The following PHTF2 variants were observed in gnomAD, a reference collection of about 807,000 sequenced individuals.
PHTF2 encodes protein PHTF2.
PHTF2 carries 60 observed loss-of-function variants against 101.2 expected under a neutral mutation model. The observed-to-expected ratio is 0.59, with a 90% CI of 0.48 to 0.73. The LOEUF (loss-of-function observed/expected upper bound fraction) is 0.73. Ranked by LOEUF, PHTF2 falls within the 30% of genes least tolerant of loss-of-function variation. The probability of loss-of-function intolerance (pLI) is 0.00; values close to 1 mark genes in which losing one functional copy is unlikely to be tolerated. For missense variants in PHTF2, 747 were observed against 908.7 expected (o/e 0.82, Z 2.29); for synonymous variants, 311 against 307.3 (o/e 1.01, Z -0.13).
chr7:77,871,175 G>A lies in PHTF2; in HGVS notation c.147+16341G>A, dbSNP rs188149535. Among the ~76,000 whole-genome samples the A allele has an allele frequency of 3.4e-3, 523 of 152,170 alleles. 3 individuals are homozygous for A. The highest frequency in any genetic ancestry group is 4.3e-3 in the Non-Finnish European group (295 of 68,006). ...AAACCTTCATTCCTGAATGGTCTCG[G>A]GGTCATTTGTAGTCCTGCCTGAATT... On this transcript the variant is annotated intron_variant, in intron 3 of 19. Coordinates refer to ENST00000416283, the Ensembl canonical transcript of PHTF2.
At chr7:77,863,787 G>GT (rs368245678) in intron 3 of PHTF2, among the ~76,000 whole-genome samples, 53,363 of 131,982 alleles carry the variant, frequency 0.4, 10,685 homozygotes, top group African/African-American at 0.42. Context: ...GTTTTGTTTT[G>GT]TTTTTTTTTT....
At chr7:77,846,935 G>A (rs73375808) in intron 2 of PHTF2, among the ~76,000 whole-genome samples, 14,186 of 152,076 alleles carry the variant, frequency 0.093, 912 homozygotes, top group South Asian at 0.18. Context: ...GAGCCTGCAA[G>A]CCTGAAGCTT....
chr7:77,920,838 T>C (rs573918688), intron 10 of PHTF2, among the ~76,000 whole-genome samples: 44 of 152,154 alleles, frequency 2.9e-4, no homozygotes, highest in African/African-American at 9.6e-4. Context: ...TGCGCCACCA[T>C]GCCCGGCTAA....
rs386410516 is a variant in PHTF2, at chr7:77,927,177, A to AATAT, written c.1120-1916_1120-1913dup. On this transcript the variant is annotated intron_variant, in intron 11 of 19. Coordinates refer to ENST00000416283, the Ensembl canonical transcript of PHTF2. ...CATCTCAAAAAAAAAAAAAAAAAAA[A>AATAT]ATATATATATATATATATACATACA... is the stretch of plus-strand genomic sequence containing the variant. Among the ~76,000 whole-genome samples the AATAT allele has an allele frequency of 1.5e-3, 114 of 78,126 alleles. 1 individual carries two copies. Among genetic ancestry groups the AATAT allele is most frequent in the Middle Eastern group, 8.8e-3 (1 of 114 alleles). The allele number at this position is 78,126 out of a possible 152,430, so 51.3% of individuals were successfully genotyped here. A position where few individuals can be genotyped will look rare whatever the true frequency, so the allele number is the denominator to read the frequency against.
rs781764797 is a variant in PHTF2, at chr7:77,937,672, G to A, written c.1339-38G>A. 176 of 797,604 alleles carry A rather than the reference G, an allele frequency of 2.2e-4. 1 individual carries two copies. Among genetic ancestry groups the A allele is most frequent in the Non-Finnish European group, 1.8e-6 (1 of 554,808 alleles). The allele number at this position is 797,604 out of a possible 1,614,324, so 49.4% of individuals were successfully genotyped here. Reference sequence around the variant, plus strand: ...TATACACACATTTTATTTATTAAATGTGATCTATATATTTACTAATTTTTT... The same window carrying A: ...TATACACACATTTTATTTATTAAATATGATCTATATATTTACTAATTTTTT... On this transcript the variant is annotated intron_variant, in intron 12 of 19. Transcript: ENST00000416283.
chr7:77,813,331 A>G (rs1241084085), intron 1 of PHTF2, among the ~76,000 whole-genome samples: 1 of 152,248 alleles, frequency 6.6e-6, no homozygotes, highest in Non-Finnish European at 1.5e-5. Flanking sequence ...AAAGTGTTCC[A>G]GGAGAAGAGA....
At chr7:77,885,622 C>A (rs979033707) in intron 3 of PHTF2, among the ~76,000 whole-genome samples, 3 of 151,854 alleles carry the variant, frequency 2.0e-5, no homozygotes, top group Admixed American at 1.3e-4. Context: ...TTTTTGTATT[C>A]TTAGTAGAGA....
rs570053618 is a variant in PHTF2 at position 77,818,588 on chromosome 7, G to T, written c.-36+19617G>T. Among the ~76,000 whole-genome samples the T allele has an allele frequency of 2.0e-5, 3 of 152,194 alleles. No individual in the cohort carries two copies. In the East Asian group the frequency reaches 5.8e-4, roughly 29 times the overall value. On this transcript the variant is annotated intron_variant, in intron 1 of 19. Transcript: ENST00000416283. ...AGATACATGGATTGATTAATTTCTG[G>T]GTTCTCTATTCTGTTCCACTGATCT...
chr7:77,839,533 AT>A (rs1795712567), intron 1 of PHTF2, among the ~76,000 whole-genome samples: 2 of 152,174 alleles, frequency 1.3e-5, no homozygotes, highest in South Asian at 2.1e-4. Flanking sequence ...CAGTAGCTTA[AT>A]TTTTTTCAAT....
At chr7:77,886,746 G>A (rs925137513) in intron 3 of PHTF2, among the ~76,000 whole-genome samples, 1 of 152,146 alleles carries the variant, frequency 6.6e-6, no homozygotes, top group Non-Finnish European at 1.5e-5. Context: ...AGGGGCAGGG[G>A]AGGAAGTGAT....
intron 3 of PHTF2, among the ~76,000 whole-genome samples, chr7:77,868,517 C>G (rs1251017487): frequency 6.6e-6 from 1 of 151,824 alleles, no homozygotes; most frequent in African/African-American, 2.4e-5. Context: ...AAAGTGAAAG[C>G]TATTCTTCAT....
intron 11 of PHTF2, chr7:77,923,667 G>A (rs1341702554): frequency 1.0e-6 from 1 of 985,152 alleles, no homozygotes; most frequent in Non-Finnish European, 1.2e-6. Flanking sequence ...GTCATTTGAT[G>A]TAGTGTTTCT....
At chr7:77,908,858 G>A in exon 8 of PHTF2, 1 of 1,611,962 alleles carries the variant, frequency 6.2e-7, no homozygotes, top group Non-Finnish European at 8.5e-7. Context: ...AGAGGTGATT[G>A]GGCCGATATG....
At position 77,891,894 on chromosome 7, in the gene PHTF2, T is replaced by A. The variant is rs562700890; in HGVS notation, c.148-1714T>A. Among the ~76,000 whole-genome samples the A allele has an allele frequency of 9.3e-4, 141 of 152,236 alleles. 1 individual carries two copies. Among genetic ancestry groups the A allele is most frequent in the African/African-American group, 3.3e-3 (137 of 41,532 alleles). ...AGCCACTCTGCACTCAGCCATAATA[T>A]GATTTTTAAAATAAAAGAGTCACAG... On this transcript the variant is annotated intron_variant, in intron 3 of 19. Coordinates refer to ENST00000416283, the Ensembl canonical transcript of PHTF2.
intron 5 of PHTF2, among the ~76,000 whole-genome samples, chr7:77,900,314 C>T (rs979845171): frequency 1.3e-5 from 2 of 152,178 alleles, no homozygotes; most frequent in African/African-American, 4.8e-5. Context: ...GAAATAATGC[C>T]TCCAGCACCA....
At chr7:77,893,308 A>G (rs921561471) in intron 3 of PHTF2, among the ~76,000 whole-genome samples, 2 of 151,900 alleles carry the variant, frequency 1.3e-5, no homozygotes, top group Admixed American at 1.3e-4. Flanking sequence ...TCTCTGTTCA[A>G]GAGGGATTTT....
chr7:77,816,072 A>G (rs1030223388), intron 1 of PHTF2, among the ~76,000 whole-genome samples: 3 of 151,808 alleles, frequency 2.0e-5, no homozygotes, highest in Non-Finnish European at 4.4e-5. Context: ...ATATATTGGA[A>G]TAACTTTTTT....
chr7:77,804,991 A>G (rs942429622), intron 1 of PHTF2, among the ~76,000 whole-genome samples: 1 of 152,194 alleles, frequency 6.6e-6, no homozygotes, highest in Non-Finnish European at 1.5e-5. Context: ...TGATCCTTCC[A>G]TGTATCTTAA....
intron 1 of PHTF2, among the ~76,000 whole-genome samples, chr7:77,837,951 T>C (rs1416746367): frequency 6.6e-6 from 1 of 152,160 alleles, no homozygotes; most frequent in Non-Finnish European, 1.5e-5. Flanking sequence ...GGATCTTTAT[T>C]TTGTTAGATA....
Sources: gnomAD v4.1 joint callset for allele counts (sites outside exome capture counted in the v4.1 genomes callset) on GRCh38, gnomAD v4.1.1 for gene constraint, MANE v1.5 for transcripts, NCBI Gene and HGNC (gene_info 2026-07-23, HGNC 2026-07-21) for gene names.